RUNX1: variants seen among roughly 807,000 people sequenced by gnomAD.
RUNX1 encodes RUNX family transcription factor 1.
In RUNX1, 19 loss-of-function variants were observed where a neutral mutation model predicts 42.8. The observed-to-expected ratio is 0.44, with a 90% CI of 0.31 to 0.65. RUNX1 has a LOEUF of 0.65. RUNX1 is among the 30% of genes least tolerant of loss of function. The pLI, the probability that RUNX1 is intolerant of heterozygous loss-of-function variation, is 0.07. For missense variants in RUNX1, 528 were observed against 672.0 expected (o/e 0.79, Z 2.37); for synonymous variants, 271 against 289.4 (o/e 0.94, Z 0.64).
intron 2 of RUNX1, among the ~76,000 whole-genome samples, chr21:34,964,168 C>G (rs1601614246): frequency 6.6e-6 from 1 of 152,160 alleles, no homozygotes; most frequent in Non-Finnish European, 1.5e-5. Context: ...GTGATGCCAA[C>G]AGCAGCACCA....
intron 2 of RUNX1, among the ~76,000 whole-genome samples, chr21:34,961,096 CT>C (rs2058678920): frequency 6.6e-6 from 1 of 152,154 alleles, no homozygotes. Context: ...ACATTCATGG[CT>C]GGGCGTGGTG....
chr21:34,868,996 A>G (rs1394446578), intron 5 of RUNX1, among the ~76,000 whole-genome samples: 1 of 152,228 alleles, frequency 6.6e-6, no homozygotes, highest in African/African-American at 2.4e-5. Flanking sequence ...TTATTATTAC[A>G]TAGGCTTTTA....
At chr21:35,048,179 G>T (rs965890857) in intron 2 of RUNX1, among the ~76,000 whole-genome samples, 1 of 152,200 alleles carries the variant, frequency 6.6e-6, no homozygotes, top group Non-Finnish European at 1.5e-5. Flanking sequence ...TTTCTCTCTT[G>T]AAAGATGCTG....
chr21:35,028,977 G>A (rs1310160150), intron 2 of RUNX1, among the ~76,000 whole-genome samples: 1 of 152,188 alleles, frequency 6.6e-6, no homozygotes, highest in Non-Finnish European at 1.5e-5. Context: ...AGTGTGAATT[G>A]GAGAGGGGTT....
intron 2 of RUNX1, among the ~76,000 whole-genome samples, chr21:35,006,359 A>G (rs1234925953): frequency 6.6e-6 from 1 of 152,212 alleles, no homozygotes; most frequent in East Asian, 1.9e-4. Flanking sequence ...AAACACAATG[A>G]GAAGGACATC....
chr21:34,993,806 CACACACACACACAT>C (rs2058972033), intron 2 of RUNX1, among the ~76,000 whole-genome samples: 1 of 129,454 alleles, frequency 7.7e-6, no homozygotes, highest in South Asian at 2.1e-4. Flanking sequence ...CACACACAGA[CACACACACACACAT>C]ACACAGACAC....
intron 2 of RUNX1, among the ~76,000 whole-genome samples, chr21:34,923,298 G>T (rs1190814956): frequency 1.3e-5 from 2 of 152,130 alleles, no homozygotes; most frequent in Non-Finnish European, 2.9e-5. Context: ...ATTTAAATTG[G>T]GCTCCTTAAG....
chr21:35,002,709 T>A (rs1178380047), intron 2 of RUNX1, among the ~76,000 whole-genome samples: 1 of 152,142 alleles, frequency 6.6e-6, no homozygotes, highest in Non-Finnish European at 1.5e-5. Context: ...ATTACAGGCG[T>A]GAGCCACTGT....
intron 2 of RUNX1, among the ~76,000 whole-genome samples, chr21:35,046,478 T>C (rs190118213): frequency 1.3e-5 from 2 of 152,218 alleles, no homozygotes; most frequent in African/African-American, 4.8e-5. Context: ...ACGCTGTAAA[T>C]TATAGGCAGC....
At chr21:34,911,539 G>A (rs1048196117) in intron 2 of RUNX1, among the ~76,000 whole-genome samples, 13 of 152,242 alleles carry the variant, frequency 8.5e-5, no homozygotes, top group African/African-American at 2.9e-4. Flanking sequence ...CAACCCTCCT[G>A]GGCAGCGAAT....
intron 2 of RUNX1, among the ~76,000 whole-genome samples, chr21:35,014,284 A>G (rs1008397411): frequency 1.3e-5 from 2 of 152,218 alleles, no homozygotes; most frequent in African/African-American, 4.8e-5. Context: ...TGCGTGCCAT[A>G]CATAATCAGT....
At chr21:34,893,790 AAACCTTT>A (rs1188897369) in intron 2 of RUNX1, among the ~76,000 whole-genome samples, 11 of 151,680 alleles carry the variant, frequency 7.3e-5, no homozygotes, top group Non-Finnish European at 1.5e-5. Context: ...TTTTAAAAAA[AAACCTTT>A]AAAATAAGAG....
chr21:35,021,450 G>C (rs73203043), intron 2 of RUNX1, among the ~76,000 whole-genome samples: 8,044 of 152,244 alleles, frequency 0.053, 300 homozygotes, highest in Non-Finnish European at 0.069. Context: ...AATAATGATA[G>C]AAGCTCCAAA....
Position 34,788,947 on chromosome 21 carries a change from C to T in RUNX1, c.*3188G>A, listed in dbSNP as rs2056402872. 4.3e-6 allele frequency: 1 copy of T among 233,318 alleles called. No individual in the cohort carries two copies. The highest frequency in any genetic ancestry group is 8.5e-6 in the Non-Finnish European group (1 of 118,070). The allele number at this position is 233,318 out of a possible 1,614,324, so 14.5% of individuals were successfully genotyped here. On this transcript the variant is annotated 3_prime_UTR_variant, in exon 9 of 9. Transcript: ENST00000675419. The stretch of plus-strand genomic sequence containing the variant: ...TATTTCAAGGCAGAAATCTGCAATC[C>T]TAAATTGCAGGACATTTGAGTGGAA...
intron 2 of RUNX1, among the ~76,000 whole-genome samples, chr21:34,919,884 T>C (rs776081975): frequency 1.4e-4 from 22 of 152,346 alleles, no homozygotes; most frequent in East Asian, 1.3e-3. Flanking sequence ...TGCTGTATTT[T>C]TGAAACATAC....
At chr21:35,000,410 T>G (rs1181744577) in intron 2 of RUNX1, among the ~76,000 whole-genome samples, 1 of 151,884 alleles carries the variant, frequency 6.6e-6, no homozygotes, top group Non-Finnish European at 1.5e-5. Context: ...CTGACTAATT[T>G]TTTGTATTTT....
chr21:34,794,021 TG>T (rs2056489781), intron 8 of RUNX1, among the ~76,000 whole-genome samples: 2 of 152,148 alleles, frequency 1.3e-5, no homozygotes, highest in African/African-American at 4.8e-5. Flanking sequence ...ATTTATTCTC[TG>T]GCCCCTTACA....
intron 2 of RUNX1, among the ~76,000 whole-genome samples, chr21:35,006,410 C>T (rs532784759): frequency 1.3e-5 from 2 of 152,122 alleles, no homozygotes; most frequent in Admixed American, 1.3e-4. Context: ...CTCTCTCCCC[C>T]TCTCTCTCTT....
At chr21:35,012,147 T>C (rs1476990996) in intron 2 of RUNX1, among the ~76,000 whole-genome samples, 1 of 152,210 alleles carries the variant, frequency 6.6e-6, no homozygotes, top group Non-Finnish European at 1.5e-5. Flanking sequence ...TCAAATTTAA[T>C]AGGCAAGTTT....
Sources: allele counts gnomAD v4.1 joint callset (sites outside exome capture counted in the v4.1 genomes callset), GRCh38; gene constraint gnomAD v4.1.1; transcripts MANE v1.5; gene names NCBI Gene and HGNC (gene_info 2026-07-23, HGNC 2026-07-21).